The following DOCK3 variants were observed in gnomAD, a reference collection of about 807,000 sequenced individuals.
DOCK3 encodes the protein dedicator of cytokinesis protein 3.
A neutral mutation model predicts 265.6 loss-of-function variants in DOCK3; 60 were observed. The observed-to-expected ratio is 0.23, with a 90% CI of 0.18 to 0.28. The LOEUF is 0.28. Ranked by LOEUF, DOCK3 falls within the 10% of genes least tolerant of loss-of-function variation. DOCK3 has a pLI of 1.00. For synonymous variants in DOCK3, 881 were observed against 938.0 expected, an observed-to-expected ratio of 0.94 and a Z score of 1.11; for missense variants, 1,981 against 2,594.3, an observed-to-expected ratio of 0.76 and a Z score of 5.14.
intron 27 of DOCK3, among the ~76,000 whole-genome samples, chr3:51,285,709 C>G (rs1019760962): frequency 1.3e-5 from 2 of 151,964 alleles, no homozygotes; most frequent in Non-Finnish European, 2.9e-5. Context: ...CCAAGGTGGG[C>G]AGATCATGAG....
intron 23 of DOCK3, among the ~76,000 whole-genome samples, chr3:51,262,698 C>T (rs1339637038): frequency 6.6e-6 from 1 of 152,050 alleles, no homozygotes; most frequent in Non-Finnish European, 1.5e-5. Flanking sequence ...TTGCTAACTA[C>T]AATAACCAGT....
At chr3:51,281,963 G>A (rs1208674995) in intron 27 of DOCK3, among the ~76,000 whole-genome samples, 1 of 152,158 alleles carries the variant, frequency 6.6e-6, no homozygotes, top group African/African-American at 2.4e-5. Flanking sequence ...TCTGCGGAAA[G>A]GGTGCACTCG....
chr3:51,086,838 T>G (rs2082445545), intron 7 of DOCK3, among the ~76,000 whole-genome samples: 1 of 152,072 alleles, frequency 6.6e-6, no homozygotes, highest in African/African-American at 2.4e-5. Flanking sequence ...TAGAGACTAC[T>G]ATGAACAATT....
chr3:50,728,305 A>G (rs2037961802), intron 1 of DOCK3, among the ~76,000 whole-genome samples: 1 of 152,214 alleles, frequency 6.6e-6, no homozygotes, highest in Non-Finnish European at 1.5e-5. Flanking sequence ...TTGTGGGTGC[A>G]GTAAAGCAAT....
intron 1 of DOCK3, among the ~76,000 whole-genome samples, chr3:50,677,615 T>C (rs1307112225): frequency 6.6e-6 from 1 of 152,150 alleles, no homozygotes; most frequent in Non-Finnish European, 1.5e-5. Context: ...CCCCTTACAC[T>C]TACTTCCTAC....
At chr3:51,147,361 C>CT (rs1388952612) in intron 10 of DOCK3, among the ~76,000 whole-genome samples, 1 of 152,058 alleles carries the variant, frequency 6.6e-6, no homozygotes, top group African/African-American at 2.4e-5. Context: ...TATATATATA[C>CT]TTTAAGTTCT....
At chr3:51,085,813 A>C (rs2082397817) in intron 7 of DOCK3, among the ~76,000 whole-genome samples, 1 of 152,234 alleles carries the variant, frequency 6.6e-6, no homozygotes, top group Admixed American at 6.5e-5. Flanking sequence ...TAAGTAATAA[A>C]GATCAGAGCA....
At chr3:51,233,363 T>TATTTA (rs1553803219) in intron 19 of DOCK3, among the ~76,000 whole-genome samples, 93 of 149,448 alleles carry the variant, frequency 6.2e-4, no homozygotes, top group Admixed American at 3.8e-3. Flanking sequence ...TCTATCTATT[T>TATTTA]ATTTATTTAT....
intron 12 of DOCK3, among the ~76,000 whole-genome samples, chr3:51,169,754 A>T (rs1475667832): frequency 1.3e-5 from 2 of 152,202 alleles, no homozygotes; most frequent in Non-Finnish European, 2.9e-5. Flanking sequence ...TTAAAAAAAA[A>T]AAAAGAAATG....
intron 1 of DOCK3, among the ~76,000 whole-genome samples, chr3:50,709,540 G>T (rs1171942580): frequency 6.6e-6 from 1 of 151,870 alleles, no homozygotes; most frequent in Non-Finnish European, 1.5e-5. Context: ...TTTTAAACAG[G>T]TGGGGCTGGG....
intron 1 of DOCK3, among the ~76,000 whole-genome samples, chr3:50,758,508 G>C (rs1003403811): frequency 6.6e-6 from 1 of 152,072 alleles, no homozygotes; most frequent in Admixed American, 6.5e-5. Flanking sequence ...GTACAGTTCT[G>C]TCTATGGCCA....
chr3:50,955,767 T>G (rs1445916627), intron 5 of DOCK3, among the ~76,000 whole-genome samples: 1 of 152,004 alleles, frequency 6.6e-6, no homozygotes, highest in African/African-American at 2.4e-5. Flanking sequence ...AAATAATCTG[T>G]ACAACAAACT....
chr3:51,053,078 G>GATAGAT lies in DOCK3; in HGVS notation c.316-11367_316-11366insGATATA, dbSNP rs1345393303. 2.4e-3 allele frequency among the ~76,000 whole-genome samples: 104 copies of GATAGAT among 43,742 alleles called. 1 individual carries two copies. Among genetic ancestry groups the GATAGAT allele is most frequent in the Non-Finnish European group, 3.5e-3 (82 of 23,530 alleles). 28.7% of individuals were successfully genotyped at this position (43,742 alleles called of 152,430 possible). On this transcript the variant is annotated intron_variant, in intron 5 of 52. Transcript: ENST00000266037. ...AGTTTCATCTTTTAAAAAAGTCAAAGATATATATATATATATATATATATA... is the reference window on the plus strand; with the variant it reads ...AGTTTCATCTTTTAAAAAAGTCAAAGATAGATATATATATATATATATATATATATA...
chr3:51,116,733 G>A (rs543233871), intron 9 of DOCK3, among the ~76,000 whole-genome samples: 16 of 152,106 alleles, frequency 1.1e-4, no homozygotes, highest in Non-Finnish European at 1.8e-4. Flanking sequence ...AATTTTCAAC[G>A]GGAGTTCACT....
Position 51,374,709 on chromosome 3 carries a change from C to A in DOCK3, c.5412+122C>A. Reference sequence around the variant, plus strand: ...GCTCTCTCATTCCGCTGTAAGATCCCGCAAAAGGCCGCTGGGCTTCTGGAT... The same window carrying A: ...GCTCTCTCATTCCGCTGTAAGATCCAGCAAAAGGCCGCTGGGCTTCTGGAT... On this transcript the variant is annotated intron_variant, in intron 50 of 52. Transcript: ENST00000266037. The surrounding 1 kb of genome is among the most constrained non-coding windows in gnomAD (Gnocchi z 4.8). The A allele has an allele frequency of 1.1e-6, 1 of 921,286 alleles. No homozygotes were observed. Among genetic ancestry groups the A allele is most frequent in the East Asian group, 2.7e-5 (1 of 36,938 alleles). 57.1% of individuals were successfully genotyped at this position (921,286 alleles called of 1,614,324 possible).
chr3:50,739,065 TG>T (rs915474450), intron 1 of DOCK3, among the ~76,000 whole-genome samples: 9 of 152,222 alleles, frequency 5.9e-5, no homozygotes, highest in East Asian at 1.9e-4. Flanking sequence ...CTTGAGTTTT[TG>T]GGGGGGGGTT....
intron 5 of DOCK3, among the ~76,000 whole-genome samples, chr3:50,939,027 G>A (rs2051550131): frequency 6.6e-6 from 1 of 151,822 alleles, no homozygotes; most frequent in Non-Finnish European, 1.5e-5. Context: ...TAATAAAATT[G>A]ATAAACACCT....
intron 1 of DOCK3, among the ~76,000 whole-genome samples, chr3:50,721,660 A>G (rs576570329): frequency 1.9e-4 from 29 of 152,166 alleles, no homozygotes; most frequent in African/African-American, 6.7e-4. Context: ...TTTGCTTAGG[A>G]TTGTTTTGGC....
At chr3:50,839,758 C>CCTCCT in intron 2 of DOCK3, among the ~76,000 whole-genome samples, 2 of 108,598 alleles carry the variant, frequency 1.8e-5, no homozygotes, top group Non-Finnish European at 3.8e-5. Flanking sequence ...TCTCCCCTCC[C>CCTCCT]CTCCTCTCTC....
Sources: gnomAD v4.1 joint callset for allele counts (sites outside exome capture counted in the v4.1 genomes callset) on GRCh38, gnomAD v4.1.1 for gene constraint, Gnocchi (gnomAD v3.1) non-coding constraint, MANE v1.5 for transcripts, NCBI Gene and HGNC (gene_info 2026-07-23, HGNC 2026-07-21) for gene names.